FBXW8: variants seen among roughly 807,000 people sequenced by gnomAD.
FBXW8 encodes F-box and WD repeat domain containing 8.
A neutral mutation model predicts 65.3 loss-of-function variants in FBXW8; 57 were observed. That is an observed-to-expected ratio of 0.87 (90% CI 0.71 to 1.09). The LOEUF is 1.09. FBXW8 is among the 50% of genes least tolerant of loss of function. The probability of loss-of-function intolerance (pLI) is 0.00; values close to 1 mark genes in which losing one functional copy is unlikely to be tolerated. For synonymous variants in FBXW8, 308 were observed against 330.2 expected (o/e 0.93, Z 0.73); for missense variants, 777 against 814.8 (o/e 0.95, Z 0.57).
intron 4 of FBXW8, chr12:116,951,180 T>G (rs1024694389): frequency 1.3e-5 from 2 of 152,242 alleles, no homozygotes; most frequent in Non-Finnish European, 2.9e-5. Flanking sequence ...TGTGGATCGA[T>G]AGGATGAAAC....
rs1555221606 is a variant in FBXW8 at position 116,971,370 on chromosome 12, AAG to A, written c.835+6517_835+6518del. 6.0e-4 allele frequency among the ~76,000 whole-genome samples: 91 copies of A among 152,184 alleles called. 3 individuals are homozygous for A. The South Asian group carries it at 0.019, about 31-fold the overall frequency. On this transcript the variant is annotated intron_variant, in intron 5 of 10. Coordinates refer to ENST00000652555, the MANE Select transcript of FBXW8 (RefSeq NM_153348.3). ...GCAAGACCCAGTCAAAAAAAAAAAA[AAG>A]GCAGAATTCTGAACTGAGGGGGTTT...
chr12:116,945,593 T>C, intron 3 of FBXW8, 65 bp downstream of exon 3: 2 of 1,511,276 alleles, frequency 1.3e-6, no homozygotes, highest in Non-Finnish European at 9.1e-7. Flanking sequence ...AATCCAAGCT[T>C]TCACTCATAG....
chr12:116,928,265 G>C, intron 2 of FBXW8, 138 bp downstream of exon 2: 1 of 660,322 alleles, frequency 1.5e-6, no homozygotes. Flanking sequence ...TTTACTTGAA[G>C]GAAAGCCACC....
chr12:117,010,232 G>A, intron 7 of FBXW8, 91 bp from the exon 8 acceptor site: 2 of 1,574,606 alleles, frequency 1.3e-6, no homozygotes, highest in African/African-American at 1.3e-5. Context: ...CAGTGATAAG[G>A]ATCATGCCCT....
intron 2 of FBXW8, among the ~76,000 whole-genome samples, chr12:116,935,958 G>T (rs867635028): frequency 6.6e-6 from 1 of 152,268 alleles, no homozygotes; most frequent in South Asian, 2.1e-4. Flanking sequence ...ATGTATGTGC[G>T]AGGTACTGTT....
chr12:117,008,695 A>G (rs1179249000), intron 7 of FBXW8, among the ~76,000 whole-genome samples: 1 of 152,250 alleles, frequency 6.6e-6, no homozygotes, highest in Non-Finnish European at 1.5e-5. Context: ...ATACTAAAGT[A>G]AAAATCTGTA....
chr12:116,979,327 A>G (rs759381305), intron 5 of FBXW8: 3 of 152,276 alleles, frequency 2.0e-5, no homozygotes, highest in Non-Finnish European at 2.9e-5. Flanking sequence ...ATGGGTGCCC[A>G]TCCACAGCTG....
intron 8 of FBXW8, among the ~76,000 whole-genome samples, chr12:117,014,479 T>C (rs1351689514): frequency 6.6e-6 from 1 of 152,216 alleles, no homozygotes; most frequent in Non-Finnish European, 1.5e-5. Context: ...CCCGTTTGGC[T>C]TTTGGTTTGG....
chr12:116,923,669 G>A (rs1157764803), intron 1 of FBXW8, among the ~76,000 whole-genome samples: 4 of 151,400 alleles, frequency 2.6e-5, no homozygotes, highest in East Asian at 1.9e-4. Flanking sequence ...GACTACAGGC[G>A]CCTGCCACCA....
intron 5 of FBXW8, among the ~76,000 whole-genome samples, chr12:116,984,013 ACAT>A (rs1368362682): frequency 2.0e-5 from 3 of 152,200 alleles, no homozygotes; most frequent in Admixed American, 6.5e-5. Flanking sequence ...TTATCTCCAC[ACAT>A]TTATTTCTTG....
intron 5 of FBXW8, among the ~76,000 whole-genome samples, chr12:116,972,299 C>CTGAGCA (rs1226828433): frequency 6.6e-6 from 1 of 152,120 alleles, no homozygotes; most frequent in African/African-American, 2.4e-5. Context: ...CTAATGACAA[C>CTGAGCA]TGAGCATGAA....
At chr12:116,937,722 A>G (rs943277498) in intron 2 of FBXW8, among the ~76,000 whole-genome samples, 89 of 147,590 alleles carry the variant, frequency 6.0e-4, no homozygotes, top group African/African-American at 2.2e-3. Context: ...AGCTGTCTCT[A>G]TGTGGTGTGT....
rs753965292 is a variant in FBXW8, at chr12:117,028,061, G to A, written c.1686G>A (p.Ala562=). 137 of 1,614,078 alleles carry A rather than the reference G, an allele frequency of 8.5e-5. 2 individuals carry two copies. The Middle Eastern group carries it at 1.3e-3, about 16-fold the overall frequency. The change falls in exon 11 of 11, where the codon GCG becomes GCA. Residue 562 remains alanine, a synonymous_variant. Transcript: ENST00000652555. This position sits in a 1 kb window ranked among gnomAD's most constrained non-coding sequence, Gnocchi z 4.1. The part of the protein sequence containing the change: ...HRGLIRAYEF[A]VDQLAFQSPL... ...GGCTGATCCGCGCCTATGAGTTTGC[G>A]GTGGACCAGCTGGCCTTCCAGAGCC...
At chr12:117,021,224 ACTTAAACAT>A (rs759789149) in intron 8 of FBXW8, among the ~76,000 whole-genome samples, 5 of 152,190 alleles carry the variant, frequency 3.3e-5, no homozygotes, top group Non-Finnish European at 5.9e-5. Context: ...TTACCAGCAA[ACTTAAACAT>A]CTTACACATG....
rs533734725 is a variant in FBXW8 at position 116,940,306 on chromosome 12, G to A, written c.424-5058G>A. Among the ~76,000 whole-genome samples, 3 of 149,144 alleles carry A rather than the reference G, an allele frequency of 2.0e-5. No homozygotes were observed. In the East Asian group the frequency reaches 5.9e-4, roughly 29 times the overall value. ...CACAAAGGCCCACAGACCATATTTT[G>A]CAGATGACTTATGGATGGGAGAAGT... is the stretch of plus-strand genomic sequence containing the variant. On this transcript the variant is annotated intron_variant, in intron 2 of 10. Transcript: ENST00000652555.
At chr12:116,924,336 G>A (rs924602334) in intron 1 of FBXW8, among the ~76,000 whole-genome samples, 2 of 151,878 alleles carry the variant, frequency 1.3e-5, no homozygotes, top group Non-Finnish European at 2.9e-5. Flanking sequence ...TATTTATGGG[G>A]CACGGTGTCA....
chr12:116,971,774 G>A (rs1884663604), intron 5 of FBXW8, among the ~76,000 whole-genome samples: 2 of 152,172 alleles, frequency 1.3e-5, no homozygotes, highest in Admixed American at 1.3e-4. Flanking sequence ...CAACTGTGCT[G>A]TGGGATCTCG....
At chr12:116,924,389 G>A (rs1048512686) in intron 1 of FBXW8, among the ~76,000 whole-genome samples, 10 of 152,158 alleles carry the variant, frequency 6.6e-5, no homozygotes, top group Non-Finnish European at 4.4e-5. Context: ...GGTAATTAAT[G>A]TATCCATCAC....
At chr12:117,020,071 C>T (rs1954057257) in intron 8 of FBXW8, among the ~76,000 whole-genome samples, 1 of 152,186 alleles carries the variant, frequency 6.6e-6, no homozygotes, top group Non-Finnish European at 1.5e-5. Flanking sequence ...AAATGCATGT[C>T]CCCCAGCACA....
Sources: gnomAD v4.1 joint callset for allele counts (sites outside exome capture counted in the v4.1 genomes callset) on GRCh38, gnomAD v4.1.1 for gene constraint, Gnocchi (gnomAD v3.1) non-coding constraint, MANE v1.5 for transcripts, NCBI Gene and HGNC (gene_info 2026-07-23, HGNC 2026-07-21) for gene names.